CREB3L2: variants seen among roughly 807,000 people sequenced by gnomAD.
CREB3L2 encodes the protein cyclic AMP-responsive element-binding protein 3-like protein 2.
Under a neutral mutation model 57.2 loss-of-function variants are expected in CREB3L2, and 23 were observed. The ratio of observed to expected loss-of-function variants is 0.40; its 90% CI spans 0.29 to 0.57. The LOEUF is 0.57. Among genes scored for constraint, CREB3L2 ranks in the 20% least tolerant of loss-of-function variants. The pLI, the probability that CREB3L2 is intolerant of heterozygous loss-of-function variation, is 0.42. For synonymous variants in CREB3L2, 268 were observed against 265.1 expected (o/e 1.01, Z -0.11); for missense variants, 628 against 634.7 (o/e 0.99, Z 0.11).
At chr7:137,957,456 C>T (rs1052863001) in intron 1 of CREB3L2, among the ~76,000 whole-genome samples, 2 of 152,122 alleles carry the variant, frequency 1.3e-5, no homozygotes, top group Non-Finnish European at 2.9e-5. Context: ...CTTTCCCCAC[C>T]GTCTGTACAG....
At chr7:137,895,862 C>T (rs1178408978) in intron 8 of CREB3L2, among the ~76,000 whole-genome samples, 1 of 152,234 alleles carries the variant, frequency 6.6e-6, no homozygotes, top group African/African-American at 2.4e-5. Flanking sequence ...TCTCCACCCC[C>T]CATTTCTGGT....
chr7:137,877,552 T>C lies in CREB3L2; in HGVS notation c.*2924A>G, dbSNP rs529014606. The C allele has an allele frequency of 5.8e-4, 131 of 225,736 alleles. No individual in the cohort carries two copies. The highest frequency in any genetic ancestry group is 2.6e-3 in the African/African-American group (119 of 44,968). 14.0% of individuals were successfully genotyped at this position (225,736 alleles called of 1,614,324 possible). A position where few individuals can be genotyped will look rare whatever the true frequency, so the allele number is the denominator to read the frequency against. On this transcript the variant is annotated 3_prime_UTR_variant, in exon 12 of 12. Transcript: ENST00000330387. ...TCTGGGTTACTCAGGTCTTATCCAG[T>C]GAAAAATTAGTTCTCTGAATCTTTG...
chr7:137,887,519 C>T (rs1375554502), intron 8 of CREB3L2, among the ~76,000 whole-genome samples: 1 of 152,062 alleles, frequency 6.6e-6, no homozygotes, highest in South Asian at 2.1e-4. Context: ...CCAGCCTGGC[C>T]AACATAGTAA....
intron 2 of CREB3L2, among the ~76,000 whole-genome samples, chr7:137,916,882 C>T (rs902362117): frequency 6.6e-6 from 1 of 152,136 alleles, no homozygotes; most frequent in Admixed American, 6.5e-5. Flanking sequence ...GATGAGAGAA[C>T]ATGGTGAGTA....
intron 1 of CREB3L2, among the ~76,000 whole-genome samples, chr7:137,971,211 G>A (rs561027251): frequency 6.6e-6 from 1 of 152,240 alleles, no homozygotes; most frequent in African/African-American, 2.4e-5. Flanking sequence ...AGCACTTTGG[G>A]AGGCCAAGAA....
chr7:138,002,013 C>T lies in CREB3L2; in HGVS notation c.-308G>A. The T allele has an allele frequency of 2.9e-6, 1 of 348,518 alleles. No individual in the cohort carries two copies. Among genetic ancestry groups the T allele is most frequent in the Non-Finnish European group, 5.3e-6 (1 of 189,936 alleles). 21.6% of individuals were successfully genotyped at this position (348,518 alleles called of 1,614,324 possible). A position where few individuals can be genotyped will look rare whatever the true frequency, so the allele number is the denominator to read the frequency against. On this transcript the variant is annotated 5_prime_UTR_variant, in exon 1 of 12. Transcript: ENST00000330387. ...AGACCCGCTCTCATCCCAGGAAAAT[C>T]CCTTAGCCGCAAGCCCACTTGCCGC...
intron 1 of CREB3L2, among the ~76,000 whole-genome samples, chr7:137,929,200 T>C (rs1800552106): frequency 6.6e-6 from 1 of 152,138 alleles, no homozygotes; most frequent in Non-Finnish European, 1.5e-5. Context: ...GACTAGCCCA[T>C]ATAAATTCCC....
At chr7:137,994,427 T>A (rs1275532457) in intron 1 of CREB3L2, among the ~76,000 whole-genome samples, 1 of 152,322 alleles carries the variant, frequency 6.6e-6, no homozygotes, top group Non-Finnish European at 1.5e-5. Flanking sequence ...GTAAGCATGA[T>A]TACAGGCTCA....
At chr7:137,966,268 T>A (rs1801405500) in intron 1 of CREB3L2, among the ~76,000 whole-genome samples, 1 of 152,242 alleles carries the variant, frequency 6.6e-6, no homozygotes, top group Non-Finnish European at 1.5e-5. Flanking sequence ...CTGCATAATT[T>A]GTAAAATAGA....
At chr7:137,990,302 T>C (rs1268335265) in intron 1 of CREB3L2, among the ~76,000 whole-genome samples, 2 of 152,232 alleles carry the variant, frequency 1.3e-5, no homozygotes, top group Non-Finnish European at 2.9e-5. Flanking sequence ...CAGCACCCAT[T>C]GCAAATATCA....
intron 1 of CREB3L2, chr7:137,953,289 C>G: frequency 2.7e-6 from 1 of 369,020 alleles, no homozygotes; most frequent in South Asian, 2.0e-5. Flanking sequence ...GGTGGTGTTT[C>G]ACTGAAAACC....
At chr7:137,962,545 A>C (rs1054984226) in intron 1 of CREB3L2, among the ~76,000 whole-genome samples, 2 of 151,918 alleles carry the variant, frequency 1.3e-5, no homozygotes, top group African/African-American at 4.8e-5. Context: ...TTTGCCAGCC[A>C]TCTGGGCTGA....
chr7:137,956,558 T>G (rs1417167616), intron 1 of CREB3L2: 3 of 1,271,780 alleles, frequency 2.4e-6, no homozygotes, highest in Non-Finnish European at 3.1e-6. Flanking sequence ...AAACTGCCAT[T>G]GCACTCTCTA....
intron 1 of CREB3L2, among the ~76,000 whole-genome samples, chr7:137,936,514 G>A (rs1295358553): frequency 1.3e-5 from 2 of 152,178 alleles, no homozygotes; most frequent in Non-Finnish European, 2.9e-5. Context: ...CTTTAAACCT[G>A]ATCAGTAGTT....
intron 1 of CREB3L2, among the ~76,000 whole-genome samples, chr7:137,972,408 A>T (rs1156275649): frequency 6.6e-6 from 1 of 151,928 alleles, no homozygotes; most frequent in East Asian, 1.9e-4. Context: ...ACTGCATTCC[A>T]GCCTGGGCGA....
intron 1 of CREB3L2, among the ~76,000 whole-genome samples, chr7:137,963,870 G>A (rs573906157): frequency 2.6e-5 from 4 of 152,008 alleles, no homozygotes; most frequent in East Asian, 1.9e-4. Flanking sequence ...TTCAATGTTA[G>A]GATAGTATTT....
At chr7:137,976,734 G>A (rs1801613441) in intron 1 of CREB3L2, among the ~76,000 whole-genome samples, 1 of 152,144 alleles carries the variant, frequency 6.6e-6, no homozygotes. Context: ...TTTTAATTTA[G>A]TCAGTTTTGA....
At chr7:137,977,044 T>C (rs547438971) in intron 1 of CREB3L2, among the ~76,000 whole-genome samples, 28 of 152,302 alleles carry the variant, frequency 1.8e-4, no homozygotes, top group Non-Finnish European at 3.2e-4. Context: ...GAAATGAGGC[T>C]GCAGAAGGGG....
In CREB3L2 at chr7:137,928,172, G is replaced by C; in HGVS notation, c.297C>G (p.Thr99=). ...PRAQSPFTHI[T]TSDSFNDDEV... ...TACCGTCATTGAAGCTGTCACTGGT[G>C]GTAATGTGGGTGAAGGGCGACTGGG... Residue 99 remains threonine (T), a synonymous_variant, in exon 2 of 12, where the codon ACC becomes ACG. Coordinates refer to ENST00000330387, the MANE Select transcript of CREB3L2 (RefSeq NM_194071.4). 1 of 1,462,206 alleles carries C rather than the reference G, an allele frequency of 6.8e-7. No homozygotes were observed. The highest frequency in any genetic ancestry group is 9.3e-7 in the Non-Finnish European group (1 of 1,078,588). 90.6% of individuals were successfully genotyped at this position (1,462,206 alleles called of 1,614,324 possible).
Sources: allele counts gnomAD v4.1 joint callset (sites outside exome capture counted in the v4.1 genomes callset), GRCh38; gene constraint gnomAD v4.1.1; transcripts MANE v1.5; gene names NCBI Gene and HGNC (gene_info 2026-07-23, HGNC 2026-07-21).